The following TANC1 variants were observed in gnomAD, a reference collection of about 807,000 sequenced individuals.
TANC1 encodes the protein protein TANC1.
In TANC1, 77 loss-of-function variants were observed where a neutral mutation model predicts 149.7. The observed-to-expected ratio is 0.51, with a 90% CI of 0.43 to 0.62. The LOEUF is 0.62. Among genes scored for constraint, TANC1 ranks in the 20% least tolerant of loss-of-function variants. The probability of loss-of-function intolerance (pLI) is 0.00; values close to 1 mark genes in which losing one functional copy is unlikely to be tolerated. For missense variants in TANC1, 1,985 were observed against 2,321.8 expected (o/e 0.85, Z 2.98); for synonymous variants, 854 against 925.0 (o/e 0.92, Z 1.39).
In TANC1 at chr2:159,151,483, T is replaced by A. The variant is rs192042058; in HGVS notation, c.682+927T>A. On this transcript the variant is annotated intron_variant, in intron 7 of 26. Coordinates refer to ENST00000263635, the MANE Select transcript of TANC1 (RefSeq NM_033394.3). Reference sequence around the variant, plus strand: ...ATTTAACTCCCCTTTTGCTGAGTTATGCACGTGTCTTTGAGGGATAGTTTA... The same window carrying A: ...ATTTAACTCCCCTTTTGCTGAGTTAAGCACGTGTCTTTGAGGGATAGTTTA... 8.5e-5 allele frequency among the ~76,000 whole-genome samples: 13 copies of A among 152,378 alleles called. No homozygotes were observed. In the East Asian group the frequency reaches 2.5e-3, roughly 29 times the overall value.
chr2:159,030,800 G>A (rs1002407599), intron 2 of TANC1, among the ~76,000 whole-genome samples: 3 of 152,298 alleles, frequency 2.0e-5, no homozygotes, highest in African/African-American at 7.2e-5. Context: ...AGCTTTTTGT[G>A]ATGAGTCATT....
chr2:159,005,690 G>A (rs779068131), intron 2 of TANC1, among the ~76,000 whole-genome samples: 26 of 151,592 alleles, frequency 1.7e-4, no homozygotes, highest in Non-Finnish European at 3.7e-4. Flanking sequence ...TTTGTTATGA[G>A]GATTAAATGA....
At chr2:159,132,665 T>C (rs1383252469) in intron 4 of TANC1, among the ~76,000 whole-genome samples, 1 of 150,976 alleles carries the variant, frequency 6.6e-6, no homozygotes, top group Non-Finnish European at 1.5e-5. Context: ...ATTTTTTTTT[T>C]TTTTTTTTTT....
At chr2:159,136,002 TTGTGTG>T (rs754052800) in intron 4 of TANC1, among the ~76,000 whole-genome samples, 186 bp from the exon 5 acceptor site, 1,260 of 107,854 alleles carry the variant, frequency 0.012, 19 homozygotes, top group East Asian at 0.043. Flanking sequence ...TACTGAAATT[TTGTGTG>T]TGTGTGTGTG....
chr2:159,070,552 G>GT (rs1491180411), intron 3 of TANC1, among the ~76,000 whole-genome samples: 4 of 152,078 alleles, frequency 2.6e-5, no homozygotes, highest in Admixed American at 1.3e-4. Flanking sequence ...AATCCTGTGT[G>GT]TTTTTTTAAA....
intron 2 of TANC1, among the ~76,000 whole-genome samples, chr2:159,036,806 TCCAC>T (rs2040228025): frequency 6.6e-6 from 1 of 152,182 alleles, no homozygotes; most frequent in African/African-American, 2.4e-5. Flanking sequence ...TGTGAATAGT[TCCAC>T]AATAAACATA....
intron 3 of TANC1, among the ~76,000 whole-genome samples, chr2:159,073,928 A>C (rs1353843661): frequency 2.0e-5 from 3 of 152,232 alleles, no homozygotes; most frequent in Admixed American, 6.5e-5. Flanking sequence ...TGGTGATCCA[A>C]ACTGAGTATT....
chr2:159,035,499 TC>T (rs1559155426), intron 2 of TANC1, among the ~76,000 whole-genome samples: 2 of 152,244 alleles, frequency 1.3e-5, no homozygotes, highest in African/African-American at 4.8e-5. Context: ...TAAAATTTAT[TC>T]TGAAGAACAA....
intron 4 of TANC1, among the ~76,000 whole-genome samples, chr2:159,107,097 G>A (rs1210946862): frequency 6.6e-6 from 1 of 152,088 alleles, no homozygotes; most frequent in Non-Finnish European, 1.5e-5. Flanking sequence ...GTGCTATCTC[G>A]GCTCATTGCA....
Position 159,175,189 on chromosome 2 carries a change from T to C in TANC1, c.1735+5T>C. The C allele has an allele frequency of 6.2e-7, 1 of 1,610,404 alleles. No homozygotes were observed. Among genetic ancestry groups the C allele is most frequent in the Non-Finnish European group, 8.5e-7 (1 of 1,176,690 alleles). Reference sequence around the variant, plus strand: ...CACTCACAAACCTGAGAAATGGTACTTCGCAGCAGCTACCCACAGCCCCAT... The same window carrying C: ...CACTCACAAACCTGAGAAATGGTACCTCGCAGCAGCTACCCACAGCCCCAT... On this transcript the variant is annotated splice_donor_5th_base_variant and intron_variant, in intron 12 of 26. Coordinates refer to ENST00000263635, the MANE Select transcript of TANC1 (RefSeq NM_033394.3).
Position 158,981,496 on chromosome 2 carries a change from TATA to T in TANC1, c.-126+12715_-126+12717del, listed in dbSNP as rs1559096089. Among the ~76,000 whole-genome samples, 51 of 11,032 alleles carry T rather than the reference TATA, an allele frequency of 4.6e-3. 1 individual carries two copies. The East Asian group carries it at 0.08, about 17-fold the overall frequency. 7.2% of individuals were successfully genotyped at this position (11,032 alleles called of 152,430 possible). A position where few individuals can be genotyped will look rare whatever the true frequency, so the allele number is the denominator to read the frequency against. ...TAGCAATTAATATATAGCTTTTATA[TATA>T]TATATATATATATATATATATATAT... On this transcript the variant is annotated intron_variant, in intron 1 of 26. Transcript: ENST00000263635.
intron 4 of TANC1, among the ~76,000 whole-genome samples, chr2:159,110,825 A>G (rs2047652784): frequency 6.6e-6 from 1 of 152,164 alleles, no homozygotes; most frequent in Non-Finnish European, 1.5e-5. Flanking sequence ...ATCCTCAGTC[A>G]AATGCCCTCC....
intron 2 of TANC1, among the ~76,000 whole-genome samples, chr2:159,038,759 T>G (rs2040398403): frequency 1.3e-5 from 2 of 152,216 alleles, no homozygotes; most frequent in African/African-American, 2.4e-5. Context: ...TTGCCAGTAT[T>G]TCATTGAGGA....
intron 1 of TANC1, among the ~76,000 whole-genome samples, chr2:158,987,881 T>C (rs1477105240): frequency 6.6e-6 from 1 of 152,230 alleles, no homozygotes; most frequent in Non-Finnish European, 1.5e-5. Context: ...GGCACCTGCC[T>C]GGTTCATTCA....
At chr2:159,084,416 G>A (rs2044624412) in intron 3 of TANC1, among the ~76,000 whole-genome samples, 1 of 152,044 alleles carries the variant, frequency 6.6e-6, no homozygotes, top group Admixed American at 6.5e-5. Context: ...ACATGTTTTT[G>A]TGGGGAAGAA....
intron 23 of TANC1, chr2:159,225,446 C>T: frequency 1.8e-6 from 1 of 562,322 alleles, no homozygotes; most frequent in South Asian, 2.1e-5. Flanking sequence ...GTTTTCGCTG[C>T]TCGGATGCCT....
intron 1 of TANC1, among the ~76,000 whole-genome samples, chr2:158,971,294 C>G (rs538114325): frequency 6.6e-6 from 1 of 152,154 alleles, no homozygotes; most frequent in African/African-American, 2.4e-5. Flanking sequence ...TGGAGGTTAA[C>G]TTTATGTCGT....
chr2:158,984,517 C>T (rs1224354312), intron 1 of TANC1, among the ~76,000 whole-genome samples: 1 of 152,052 alleles, frequency 6.6e-6, no homozygotes, highest in East Asian at 1.9e-4. Context: ...CATTTGTCAG[C>T]GGGTGGTGGA....
chr2:159,149,391 G>A, intron 6 of TANC1, 119 bp downstream of exon 6: 1 of 1,429,452 alleles, frequency 7.0e-7, no homozygotes, highest in Non-Finnish European at 9.8e-7. Context: ...GTTCTGGGCT[G>A]TTGTGTATTG....
Sources: allele counts gnomAD v4.1 joint callset (sites outside exome capture counted in the v4.1 genomes callset), GRCh38; gene constraint gnomAD v4.1.1; transcripts MANE v1.5; gene names NCBI Gene and HGNC (gene_info 2026-07-23, HGNC 2026-07-21).